Variants in CAMTA1 observed in about 807,000 individuals in gnomAD.
The protein encoded by CAMTA1 is calmodulin binding transcription activator 1, also known as calmodulin-binding transcription activator 1.
CAMTA1 carries 27 observed loss-of-function variants against 170.9 expected under a neutral mutation model. The ratio of observed to expected loss-of-function variants is 0.16; its 90% CI spans 0.12 to 0.22. The LOEUF is 0.22. Among genes scored for constraint, CAMTA1 ranks in the 10% least tolerant of loss-of-function variants. CAMTA1 has a pLI of 1.00. For missense variants in CAMTA1, 1,619 were observed against 2,217.2 expected (o/e 0.73, Z 5.42); for synonymous variants, 833 against 891.5 (o/e 0.93, Z 1.17).
chr1:7,340,446 T>C lies in CAMTA1; in HGVS notation c.438+90820T>C, dbSNP rs559392774. Among the ~76,000 whole-genome samples the C allele has an allele frequency of 2.2e-4, 33 of 152,086 alleles. 1 individual carries two copies. The highest frequency in any genetic ancestry group is 8.3e-4 in the South Asian group (4 of 4,818). The stretch of plus-strand genomic sequence containing the variant: ...GCAGGACCCCTGTCAGATGCAGACA[T>C]GTCTCTATGGAGAGACCAAGACTAG... On this transcript the variant is annotated intron_variant, in intron 5 of 22. Coordinates refer to ENST00000303635, the MANE Select transcript of CAMTA1 (RefSeq NM_015215.4).
chr1:7,514,841 C>T lies in CAMTA1; in HGVS notation c.510+46940C>T, dbSNP rs547506310. ...GGGGCCCAAGAGGCCCGCCCCCCAC[C>T]ACCCCATTATTCGCTGCAGAGCACC... On this transcript the variant is annotated intron_variant, in intron 6 of 22. Transcript: ENST00000303635. Among the ~76,000 whole-genome samples the T allele has an allele frequency of 3.9e-5, 6 of 152,312 alleles. No individual in the cohort carries two copies. The South Asian group carries it at 6.2e-4, about 16-fold the overall frequency.
chr1:7,538,304 ACAG>A (rs1402925058), intron 6 of CAMTA1, among the ~76,000 whole-genome samples: 6 of 152,180 alleles, frequency 3.9e-5, no homozygotes, highest in African/African-American at 1.4e-4. Context: ...AGGCCAGGTC[ACAG>A]GCTGTCTCCA....
At chr1:6,985,710 C>T (rs1695243155) in intron 3 of CAMTA1, among the ~76,000 whole-genome samples, 1 of 152,196 alleles carries the variant, frequency 6.6e-6, no homozygotes, top group African/African-American at 2.4e-5. Flanking sequence ...GCAATTACGT[C>T]TATTATTAGC....
chr1:7,312,733 C>G (rs188535433), intron 5 of CAMTA1, among the ~76,000 whole-genome samples: 1 of 152,256 alleles, frequency 6.6e-6, no homozygotes, highest in East Asian at 1.9e-4. Flanking sequence ...TCCAAAAGGG[C>G]CTTCTTTTCT....
intron 11 of CAMTA1, among the ~76,000 whole-genome samples, chr1:7,703,680 T>C (rs953893630): frequency 1.3e-5 from 2 of 152,186 alleles, no homozygotes; most frequent in South Asian, 2.1e-4. Flanking sequence ...TAATTGACTG[T>C]ATCTATATAT....
At chr1:7,631,972 G>T (rs1455787405) in intron 6 of CAMTA1, among the ~76,000 whole-genome samples, 1 of 152,168 alleles carries the variant, frequency 6.6e-6, no homozygotes, top group Non-Finnish European at 1.5e-5. Context: ...GCTCAGTCCT[G>T]CAGCCTAGTG....
At chr1:7,062,603 G>C (rs924639230) in intron 3 of CAMTA1, among the ~76,000 whole-genome samples, 5 of 152,236 alleles carry the variant, frequency 3.3e-5, no homozygotes, top group Non-Finnish European at 7.3e-5. Flanking sequence ...GTGGGGTGGG[G>C]AGCCGTGGGC....
chr1:7,338,031 A>G (rs912649405), intron 5 of CAMTA1, among the ~76,000 whole-genome samples: 1 of 151,550 alleles, frequency 6.6e-6, no homozygotes, highest in African/African-American at 2.4e-5. Flanking sequence ...ATATATACAT[A>G]TATGTACATA....
chr1:7,275,146 C>CA (rs1340599304), intron 5 of CAMTA1, among the ~76,000 whole-genome samples: 35,701 of 83,366 alleles, frequency 0.43, 8,267 homozygotes, highest in East Asian at 0.63. Flanking sequence ...GATTCCATCT[C>CA]AAAAAAAAAA....
intron 3 of CAMTA1, among the ~76,000 whole-genome samples, chr1:6,902,072 C>CACACACACACAA (rs3986505): frequency 1.6e-4 from 14 of 88,496 alleles, no homozygotes; most frequent in African/African-American, 3.2e-4. Context: ...CACACACACA[C>CACACACACACAA]AAAAAAAAAA....
intron 1 of CAMTA1, among the ~76,000 whole-genome samples, chr1:6,818,583 A>T (rs1646109386): frequency 6.6e-6 from 1 of 152,174 alleles, no homozygotes; most frequent in Admixed American, 6.5e-5. Flanking sequence ...GAGAGGTTGA[A>T]TTACTTTCCT....
chr1:7,136,713 G>A (rs998021889), intron 4 of CAMTA1, among the ~76,000 whole-genome samples: 1 of 152,204 alleles, frequency 6.6e-6, no homozygotes, highest in African/African-American at 2.4e-5. Context: ...AAGTGCAATA[G>A]TTGAGTATCT....
intron 3 of CAMTA1, among the ~76,000 whole-genome samples, chr1:7,016,086 A>G (rs11807030): frequency 0.012 from 1,866 of 152,232 alleles, 39 homozygotes; most frequent in African/African-American, 0.042. Flanking sequence ...GAGCCAAACC[A>G]TGTCATGCAG....
At chr1:7,409,110 G>A (rs1032414493) in intron 5 of CAMTA1, among the ~76,000 whole-genome samples, 5 of 152,204 alleles carry the variant, frequency 3.3e-5, no homozygotes, top group African/African-American at 9.7e-5. Flanking sequence ...TACACATGGA[G>A]CCCAAGGGCT....
At chr1:7,078,615 A>G (rs1423135424) in intron 3 of CAMTA1, among the ~76,000 whole-genome samples, 1 of 152,220 alleles carries the variant, frequency 6.6e-6, no homozygotes, top group Non-Finnish European at 1.5e-5. Flanking sequence ...TTATGATGAG[A>G]CTTTTGCCAC....
intron 3 of CAMTA1, among the ~76,000 whole-genome samples, chr1:6,878,630 G>T (rs995079792): frequency 2.6e-5 from 4 of 152,168 alleles, no homozygotes; most frequent in African/African-American, 9.7e-5. Flanking sequence ...GACAGAAGAC[G>T]ACTTCTCTCA....
intron 3 of CAMTA1, among the ~76,000 whole-genome samples, chr1:7,046,671 A>G (rs1410649169): frequency 6.6e-6 from 1 of 152,202 alleles, no homozygotes; most frequent in African/African-American, 2.4e-5. Context: ...GAAAGTGACT[A>G]ACTCCACTTA....
At chr1:7,594,721 G>A (rs1172065798) in intron 6 of CAMTA1, among the ~76,000 whole-genome samples, 1 of 152,204 alleles carries the variant, frequency 6.6e-6, no homozygotes, top group Non-Finnish European at 1.5e-5. Context: ...CTGATGGTTT[G>A]GATGTGAAGT....
intron 3 of CAMTA1, among the ~76,000 whole-genome samples, chr1:7,045,887 T>A (rs978282639): frequency 5.3e-5 from 8 of 152,220 alleles, no homozygotes; most frequent in African/African-American, 1.9e-4. Flanking sequence ...TTTAGATGTT[T>A]TGATATGGAA....
Sources: gnomAD v4.1 joint callset for allele counts (sites outside exome capture counted in the v4.1 genomes callset) on GRCh38, gnomAD v4.1.1 for gene constraint, MANE v1.5 for transcripts, NCBI Gene and HGNC (gene_info 2026-07-23, HGNC 2026-07-21) for gene names.